Variants in STAG1 observed in about 807,000 individuals in gnomAD.
STAG1 encodes STAG1 cohesin complex component.
A neutral mutation model predicts 170.9 loss-of-function variants in STAG1; 26 were observed. The observed-to-expected ratio is 0.15, with a 90% CI of 0.11 to 0.21. The LOEUF is 0.21. Among genes scored for constraint, STAG1 ranks in the 10% least tolerant of loss-of-function variants. The pLI, the probability that STAG1 is intolerant of heterozygous loss-of-function variation, is 1.00. For missense variants in STAG1, 964 were observed against 1,509.5 expected (o/e 0.64, Z 5.99); for synonymous variants, 514 against 497.7 (o/e 1.03, Z -0.44).
chr3:136,537,886 G>C (rs1022589680), intron 6 of STAG1, among the ~76,000 whole-genome samples: 1 of 126,598 alleles, frequency 7.9e-6, no homozygotes, highest in Admixed American at 8.9e-5. Context: ...CTGAGCATGT[G>C]ATCATAAGGA....
chr3:136,677,878 TGATA>T (rs1942175125), intron 1 of STAG1, among the ~76,000 whole-genome samples: 1 of 148,124 alleles, frequency 6.8e-6, no homozygotes, highest in African/African-American at 2.5e-5. Context: ...AGATCATTTC[TGATA>T]TATATATCAT....
chr3:136,557,083 A>G (rs1936653305), intron 5 of STAG1, among the ~76,000 whole-genome samples: 4 of 151,908 alleles, frequency 2.6e-5, no homozygotes. Context: ...AATCCCAAAC[A>G]ATTAGCCAGG....
At position 136,498,854 on chromosome 3, in the gene STAG1, T is replaced by C. The variant is rs145438642; in HGVS notation, c.902+1369A>G. ...ACTGAACATAAAAGCCCTGGACCTA[T>C]TTCAAAAGAACATTTTATTCTTTTG... On this transcript the variant is annotated intron_variant, in intron 9 of 33. Transcript: ENST00000383202. Among the ~76,000 whole-genome samples, 738 of 152,316 alleles carry C rather than the reference T, an allele frequency of 4.8e-3. 3 individuals carry two copies. The highest frequency in any genetic ancestry group is 0.02 in the Middle Eastern group (6 of 294).
At chr3:136,415,079 A>G (rs1231849222) in intron 21 of STAG1, among the ~76,000 whole-genome samples, 1 of 152,222 alleles carries the variant, frequency 6.6e-6, no homozygotes, top group Non-Finnish European at 1.5e-5. Flanking sequence ...CAGATTTAAT[A>G]CTAATGAAAA....
chr3:136,491,433 T>C (rs996598618), intron 9 of STAG1, among the ~76,000 whole-genome samples: 2 of 152,174 alleles, frequency 1.3e-5, no homozygotes, highest in Non-Finnish European at 2.9e-5. Flanking sequence ...AATTCACTAA[T>C]TGTCTCCTCA....
chr3:136,377,712 A>G lies in STAG1; in HGVS notation c.2318T>C (p.Leu773Ser), dbSNP rs750813494. The G allele has an allele frequency of 6.2e-7, 1 of 1,613,968 alleles. No homozygotes were observed. ...AGACAGGCACTGCTGGCAAACAGCC[A>G]AAAAGGATTTCACCGTTTTCCTCAA... ...LVLRKTVKSF[L>S]AVCQQCLSNV... is the part of the protein sequence containing the mutation. The change falls in exon 23 of 34, where the codon TTG (leucine) becomes TCG (serine). Residue 773 changes from leucine (L) to serine (S), a missense_variant. By Grantham distance (145) the Leu-to-Ser change is moderately radical (BLOSUM62 -2). Around this residue, in one of 11 missense-constraint regions of STAG1, gnomAD observed 232 missense variants for 313.0 expected, o/e 0.74. Coordinates refer to ENST00000383202, the MANE Select transcript of STAG1 (RefSeq NM_005862.3).
At chr3:136,497,351 C>A (rs1933162297) in intron 9 of STAG1, among the ~76,000 whole-genome samples, 1 of 152,170 alleles carries the variant, frequency 6.6e-6, no homozygotes, top group East Asian at 1.9e-4. Flanking sequence ...CTCAGCAAAT[C>A]ACATACAACC....
chr3:136,473,898 A>G (rs763702855), intron 10 of STAG1, among the ~76,000 whole-genome samples: 2 of 152,214 alleles, frequency 1.3e-5, no homozygotes, highest in Non-Finnish European at 2.9e-5. Flanking sequence ...AACATGTGGT[A>G]TAACCCACGT....
intron 1 of STAG1, among the ~76,000 whole-genome samples, chr3:136,751,104 C>A (rs1935202451): frequency 6.6e-6 from 1 of 151,762 alleles, no homozygotes; most frequent in African/African-American, 2.4e-5. Flanking sequence ...GTCAGAATCA[C>A]GAGAATAAAC....
At chr3:136,489,514 G>A (rs962751048) in intron 9 of STAG1, among the ~76,000 whole-genome samples, 8 of 152,256 alleles carry the variant, frequency 5.3e-5, no homozygotes, top group African/African-American at 1.7e-4. Flanking sequence ...TATTGCTCAT[G>A]TACAAGGAAT....
chr3:136,659,749 G>A (rs1201012335), intron 1 of STAG1, among the ~76,000 whole-genome samples: 2 of 152,196 alleles, frequency 1.3e-5, no homozygotes, highest in African/African-American at 4.8e-5. Context: ...AACTGATACA[G>A]TAAAGGAGAA....
At chr3:136,624,749 T>G (rs539699432) in intron 2 of STAG1, among the ~76,000 whole-genome samples, 1 of 152,346 alleles carries the variant, frequency 6.6e-6, no homozygotes, top group African/African-American at 2.4e-5. Flanking sequence ...TTTGCTGATT[T>G]TCACGGTGTA....
At chr3:136,463,850 T>A (rs1257752068) in intron 13 of STAG1, among the ~76,000 whole-genome samples, 1 of 145,842 alleles carries the variant, frequency 6.9e-6, no homozygotes, top group Non-Finnish European at 1.5e-5. Flanking sequence ...CATACATATA[T>A]AAATATATAT....
intron 1 of STAG1, among the ~76,000 whole-genome samples, chr3:136,681,247 G>A (rs1942324220): frequency 6.6e-6 from 1 of 152,106 alleles, no homozygotes; most frequent in African/African-American, 2.4e-5. Context: ...TCACTGAGGA[G>A]AATATAATCA....
At chr3:136,736,744 A>G in intron 1 of STAG1, 3 of 1,601,878 alleles carry the variant, frequency 1.9e-6, no homozygotes, top group Non-Finnish European at 2.6e-6. Flanking sequence ...CCAGCTCAGC[A>G]AAGAGTTTCA....
intron 9 of STAG1, among the ~76,000 whole-genome samples, chr3:136,484,455 G>C (rs1311896141): frequency 5.2e-4 from 77 of 146,976 alleles, no homozygotes; most frequent in African/African-American, 1.9e-3. Flanking sequence ...CCAGCTGCGT[G>C]CTGGGAGAAC....
intron 29 of STAG1, among the ~76,000 whole-genome samples, chr3:136,348,277 T>C (rs1280553464): frequency 6.6e-6 from 1 of 151,698 alleles, no homozygotes; most frequent in Non-Finnish European, 1.5e-5. Context: ...TTTGTTTTAA[T>C]AGAGCAATTT....
intron 4 of STAG1, among the ~76,000 whole-genome samples, chr3:136,572,319 C>A (rs1292815217): frequency 6.6e-6 from 1 of 152,058 alleles, no homozygotes; most frequent in Non-Finnish European, 1.5e-5. Context: ...CAAGGCCAGG[C>A]ACTGTGGCCC....
At chr3:136,355,576 T>G (rs966726078) in intron 28 of STAG1, among the ~76,000 whole-genome samples, 3 of 152,034 alleles carry the variant, frequency 2.0e-5, no homozygotes, top group Non-Finnish European at 1.5e-5. Flanking sequence ...ATAAGCTAAC[T>G]AGACAGAACA....
Sources: gnomAD v4.1 joint callset for allele counts (sites outside exome capture counted in the v4.1 genomes callset) on GRCh38, gnomAD v4.1.1 for gene constraint, gnomAD v4.1.1 regional missense constraint, MANE v1.5 for transcripts, NCBI Gene and HGNC (gene_info 2026-07-23, HGNC 2026-07-21) for gene names.